Variants in MELK observed in about 807,000 individuals in gnomAD.
The protein encoded by MELK is pEg3 kinase.
MELK carries 81 observed loss-of-function variants against 85.0 expected under a neutral mutation model. The ratio of observed to expected loss-of-function variants is 0.95; its 90% CI spans 0.80 to 1.15. The LOEUF (loss-of-function observed/expected upper bound fraction) is 1.15, where lower values mean the gene tolerates loss of function less well. Ranked by LOEUF, MELK falls within the 50% of genes most tolerant of loss-of-function variation. The pLI is 0.00. For missense variants in MELK, 754 were observed against 777.5 expected (o/e 0.97, Z 0.36); for synonymous variants, 252 against 265.0 (o/e 0.95, Z 0.48).
chr9:36,671,871 A>G (rs1165678606), intron 16 of MELK, among the ~76,000 whole-genome samples: 2 of 152,228 alleles, frequency 1.3e-5, no homozygotes, highest in African/African-American at 4.8e-5. Flanking sequence ...GGGACGAATG[A>G]GACAGCCCAT....
At chr9:36,600,438 C>T (rs1824797886) in intron 7 of MELK, among the ~76,000 whole-genome samples, 1 of 152,142 alleles carries the variant, frequency 6.6e-6, no homozygotes, top group African/African-American at 2.4e-5. Context: ...GGCTGGAGTG[C>T]AGTGGCACAA....
intron 7 of MELK, chr9:36,606,659 ATATG>A (rs981042439): frequency 2.0e-5 from 3 of 146,690 alleles, no homozygotes; most frequent in East Asian, 3.9e-4. Context: ...ACACATATGT[ATATG>A]TATATATGGA....
chr9:36,654,417 G>A (rs1831030220), intron 12 of MELK, among the ~76,000 whole-genome samples: 1 of 126,450 alleles, frequency 7.9e-6, no homozygotes. Context: ...GTGCAGTAGT[G>A]TGGTCTTGGC....
At chr9:36,673,707 G>A (rs1833094799) in intron 16 of MELK, among the ~76,000 whole-genome samples, 3 of 152,190 alleles carry the variant, frequency 2.0e-5, no homozygotes, top group Non-Finnish European at 4.4e-5. Flanking sequence ...ACAGTCATGA[G>A]CCACTACACC....
intron 14 of MELK, 132 bp downstream of exon 14, chr9:36,665,713 G>T: frequency 1.6e-6 from 1 of 615,876 alleles, no homozygotes; most frequent in East Asian, 3.0e-5. Flanking sequence ...TTTTTATCAT[G>T]TCATTTGCAT....
At chr9:36,636,269 C>T (rs1036692306) in intron 10 of MELK, among the ~76,000 whole-genome samples, 3 of 151,642 alleles carry the variant, frequency 2.0e-5, no homozygotes, top group Admixed American at 6.6e-5. Context: ...TTTGGGAGGC[C>T]GAGGCAGGTG....
intron 1 of MELK, among the ~76,000 whole-genome samples, chr9:36,579,851 A>G (rs1005745528): frequency 2.0e-5 from 3 of 152,186 alleles, no homozygotes; most frequent in Admixed American, 6.5e-5. Flanking sequence ...AAAATCAATA[A>G]GATCTACCTA....
At chr9:36,658,881 C>CT (rs1284648686) in intron 13 of MELK, among the ~76,000 whole-genome samples, 25 of 120,700 alleles carry the variant, frequency 2.1e-4, no homozygotes, top group African/African-American at 7.3e-4. Context: ...TTTTTTTTTT[C>CT]TATTTTTTTT....
At chr9:36,606,653 ATATG>A (rs1212653530) in intron 7 of MELK, among the ~76,000 whole-genome samples, 1 of 141,236 alleles carries the variant, frequency 7.1e-6, no homozygotes. Flanking sequence ...ATATGGACAC[ATATG>A]TATATGTATA....
At chr9:36,612,967 C>T (rs1305601701) in intron 8 of MELK, among the ~76,000 whole-genome samples, 1 of 152,128 alleles carries the variant, frequency 6.6e-6, no homozygotes, top group Non-Finnish European at 1.5e-5. Context: ...TCATTTGAAG[C>T]TCTCTAGTGG....
intron 4 of MELK, among the ~76,000 whole-genome samples, chr9:36,591,492 T>A: frequency 6.6e-6 from 1 of 152,182 alleles, no homozygotes; most frequent in South Asian, 2.1e-4. Context: ...GAGGATCACT[T>A]GAGCCTGGGA....
intron 17 of MELK, among the ~76,000 whole-genome samples, chr9:36,675,283 C>CA (rs1173428710): frequency 3.3e-5 from 5 of 151,822 alleles, no homozygotes; most frequent in South Asian, 2.1e-4. Flanking sequence ...GACTCTGTCT[C>CA]AAAAAAAAGA....
At chr9:36,592,641 T>C (rs1823751104) in intron 4 of MELK, among the ~76,000 whole-genome samples, 1 of 152,212 alleles carries the variant, frequency 6.6e-6, no homozygotes, top group Admixed American at 6.6e-5. Context: ...ACCTTGTTTT[T>C]TTCCCAGGTA....
At position 36,614,610 on chromosome 9, in the gene MELK, T is replaced by G. The variant is rs1357119473; in HGVS notation, c.666+6937T>G. Among the ~76,000 whole-genome samples the G allele has an allele frequency of 2.9e-4, 35 of 118,686 alleles. No homozygotes were observed. In the South Asian group the frequency reaches 5.9e-3, roughly 20 times the overall value. The allele number at this position is 118,686 out of a possible 152,430, so 77.9% of individuals were successfully genotyped here. On this transcript the variant is annotated intron_variant, in intron 8 of 17. Transcript: ENST00000298048. ...CCTTCCGCAGTGTTTGTGTCCCTGA[T>G]TACTTGAGATTAGGGATTGGTGATG... is the stretch of plus-strand genomic sequence containing the variant.
intron 9 of MELK, among the ~76,000 whole-genome samples, chr9:36,632,856 C>T (rs1208291429): frequency 6.6e-6 from 1 of 152,196 alleles, no homozygotes; most frequent in Middle Eastern, 3.2e-3. Flanking sequence ...CGAATAATGT[C>T]CATACCAATG....
intron 8 of MELK, among the ~76,000 whole-genome samples, chr9:36,618,246 T>A (rs1319566277): frequency 6.6e-6 from 1 of 151,982 alleles, no homozygotes; most frequent in African/African-American, 2.4e-5. Context: ...CCATCTCTAC[T>A]AAAAATACAA....
At chr9:36,657,078 C>T (rs573998759) in intron 12 of MELK, among the ~76,000 whole-genome samples, 163 bp from the exon 13 acceptor site, 6 of 152,170 alleles carry the variant, frequency 3.9e-5, no homozygotes, top group South Asian at 2.1e-4. Flanking sequence ...TAGGCTCTGA[C>T]GTCTCAGTTT....
chr9:36,675,198 A>C (rs1242839413), intron 17 of MELK, among the ~76,000 whole-genome samples: 3 of 152,158 alleles, frequency 2.0e-5, no homozygotes, highest in African/African-American at 7.2e-5. Context: ...GAGGCATGAG[A>C]ATCACTTGAA....
At chr9:36,649,768 C>CA (rs1018526436) in intron 11 of MELK, among the ~76,000 whole-genome samples, 1 of 151,170 alleles carries the variant, frequency 6.6e-6, no homozygotes, top group Non-Finnish European at 1.5e-5. Flanking sequence ...GACTCTATCT[C>CA]AAAAAAAGGG....
Sources: allele counts gnomAD v4.1 joint callset (sites outside exome capture counted in the v4.1 genomes callset), GRCh38; gene constraint gnomAD v4.1.1; transcripts MANE v1.5; gene names NCBI Gene and HGNC (gene_info 2026-07-23, HGNC 2026-07-21).